XPNPEP2: variants seen among roughly 807,000 people sequenced by gnomAD.
The protein encoded by XPNPEP2 is X-prolyl aminopeptidase 2, also known as xaa-Pro aminopeptidase 2.
XPNPEP2 carries 64 observed loss-of-function variants against 59.8 expected under a neutral mutation model. The observed-to-expected ratio is 1.07, with a 90% CI of 0.87 to 1.32. XPNPEP2 has a LOEUF of 1.32. XPNPEP2 is among the 40% of genes most tolerant of loss of function. The probability of loss-of-function intolerance (pLI) is 0.00; values close to 1 mark genes in which losing one functional copy is unlikely to be tolerated. For synonymous variants in XPNPEP2, 235 were observed against 210.0 expected (o/e 1.12, Z -1.03); for missense variants, 575 against 546.8 (o/e 1.05, Z -0.51).
In XPNPEP2 at chrX:129,761,245, C is replaced by A; in HGVS notation, c.1572C>A (p.His524Gln). Residue 524 changes from histidine to glutamine, a missense_variant, in exon 17 of 21, where the codon CAC becomes CAA. His to Gln is a conservative substitution (Grantham distance 24). Coordinates refer to ENST00000371106, the MANE Select transcript of XPNPEP2 (RefSeq NM_003399.6). The part of the protein sequence containing the change: ...AGLNYGHGTG[H>Q]GIGNFLCVHE... ...TCAATTATGGTCATGGGACAGGCCA[C>A]GGCATTGGCAACTTCCTGTGTGTGC... 8.3e-6 allele frequency: 10 copies of A among 1,211,861 alleles called. No individual in the cohort carries two copies. The highest frequency in any genetic ancestry group is 1.1e-5 in the Non-Finnish European group (10 of 895,389).
rs973997004 is a variant in XPNPEP2 at position 129,753,130 on chromosome X, C to T, written c.1018-29C>T. 6.8e-6 allele frequency: 8 copies of T among 1,184,348 alleles called. No homozygotes were observed. In the Admixed American group the frequency reaches 8.8e-5, roughly 13 times the overall value. On this transcript the variant is annotated intron_variant, in intron 10 of 20. Coordinates refer to ENST00000371106, the MANE Select transcript of XPNPEP2 (RefSeq NM_003399.6). ...GTGCCCCCAGACCTGTGCCCCCAGA[C>T]CTCCTTTTCTCCTCCCTGCCCCCAA...
At position 129,750,538 on chromosome X, in the gene XPNPEP2, C is replaced by T. The variant is rs1926372185; in HGVS notation, c.708C>T (p.Ala236=). ...QMQKHQKVPT[A]VLLSALEETA... Reference sequence around the variant, plus strand: ...AGAAGCATCAAAAGGTCCCGACTGCCGTCCTTCTGTCGGCGCTTGAGGAGA... The same window carrying T: ...AGAAGCATCAAAAGGTCCCGACTGCTGTCCTTCTGTCGGCGCTTGAGGAGA... The change falls in exon 8 of 21, where the codon GCC becomes GCT. Residue 236 remains alanine, a synonymous_variant. Coordinates refer to ENST00000371106, the MANE Select transcript of XPNPEP2 (RefSeq NM_003399.6). The T allele has an allele frequency of 5.0e-6, 6 of 1,190,800 alleles. No individual in the cohort carries two copies. Among genetic ancestry groups the T allele is most frequent in the Admixed American group, 2.3e-5 (1 of 42,867 alleles).
intron 8 of XPNPEP2, 46 bp from the exon 9 acceptor site, chrX:129,751,699 C>T: frequency 9.0e-7 from 1 of 1,107,538 alleles, no homozygotes; most frequent in East Asian, 3.0e-5. Context: ...AAAAGCTTGC[C>T]TCAGGCAGAT....
chrX:129,757,537 G>A (rs77719909), intron 14 of XPNPEP2, among the ~76,000 whole-genome samples: 2,044 of 108,157 alleles, frequency 0.019, 43 homozygotes, highest in African/African-American at 0.063. Flanking sequence ...CAGGCGTGGT[G>A]GCTCACACCT....
At chrX:129,754,909 A>G (rs1332825150) in intron 12 of XPNPEP2, among the ~76,000 whole-genome samples, 1 of 111,578 alleles carries the variant, frequency 9.0e-6, no homozygotes, top group African/African-American at 3.3e-5. Flanking sequence ...CCCCTGGACC[A>G]CTTGAGAATA....
intron 1 of XPNPEP2, among the ~76,000 whole-genome samples, chrX:129,739,777 T>C (rs1396471239): frequency 4.4e-5 from 5 of 112,540 alleles, no homozygotes; most frequent in Non-Finnish European, 9.4e-5. Flanking sequence ...GATGCAAGCC[T>C]GGCAAGGGCA....
At chrX:129,755,828 A>T (rs1926507496) in intron 13 of XPNPEP2, among the ~76,000 whole-genome samples, 1 of 112,521 alleles carries the variant, frequency 8.9e-6, no homozygotes, top group African/African-American at 3.2e-5. Context: ...CAGCAGGGAG[A>T]GGTCAATGCC....
intron 2 of XPNPEP2, among the ~76,000 whole-genome samples, chrX:129,743,316 C>T (rs1926233852): frequency 8.9e-6 from 1 of 112,063 alleles, no homozygotes; most frequent in South Asian, 3.7e-4. Context: ...TCTTTCTGGG[C>T]AATATCTCAA....
chrX:129,755,401 C>A, intron 13 of XPNPEP2, 30 bp downstream of exon 13: 1 of 1,163,600 alleles, frequency 8.6e-7, no homozygotes, highest in South Asian at 1.8e-5. Flanking sequence ...TTTCTAGGGC[C>A]CTGTTGGGGC....
intron 19 of XPNPEP2, among the ~76,000 whole-genome samples, chrX:129,764,021 C>T (rs747422419): frequency 9.1e-6 from 1 of 109,925 alleles, no homozygotes; most frequent in Admixed American, 9.7e-5. Flanking sequence ...AAACCTATAT[C>T]AATTCATTTA....
At chrX:129,754,378 C>A in intron 11 of XPNPEP2, 94 bp from the exon 12 acceptor site, 2 of 782,610 alleles carry the variant, frequency 2.6e-6, no homozygotes, top group Non-Finnish European at 3.6e-6. Flanking sequence ...AGCTCCACAT[C>A]CTGGAGCCGC....
At position 129,739,067 on chromosome X, in the gene XPNPEP2, C is replaced by A; in HGVS notation, c.-147C>A. ...AAAAGACCAGAGAAGCACTCTCCACCCAGCAGCCAGACGCCTCCTTCTTGA... is the reference window on the plus strand; with the variant it reads ...AAAAGACCAGAGAAGCACTCTCCACACAGCAGCCAGACGCCTCCTTCTTGA... On this transcript the variant is annotated 5_prime_UTR_variant, in exon 1 of 21. Coordinates refer to ENST00000371106, the MANE Select transcript of XPNPEP2 (RefSeq NM_003399.6). 1 of 578,748 alleles carries A rather than the reference C, an allele frequency of 1.7e-6. No homozygotes were observed. Among genetic ancestry groups the A allele is most frequent in the Non-Finnish European group, 2.8e-6 (1 of 358,937 alleles). The allele number at this position is 578,748 out of a possible 1,213,427, so 47.7% of individuals were successfully genotyped here.
rs1926437053 is a variant in XPNPEP2, at chrX:129,752,346, G to A, written c.1017+1G>A. 8.3e-7 allele frequency: 1 copy of A among 1,207,953 alleles called. No individual in the cohort carries two copies. On this transcript the variant is annotated splice_donor_variant, in intron 10 of 20. Coordinates refer to ENST00000371106, the MANE Select transcript of XPNPEP2 (RefSeq NM_003399.6). LOFTEE classifies it high-confidence loss of function. ...TGGGATCTATGAAATGATACCCAAG[G>A]TGGGTTTGCCAGGCCCCAGCCCAAG...
In XPNPEP2 at chrX:129,742,277, G is replaced by C; in HGVS notation, c.123+96G>C. On this transcript the variant is annotated intron_variant, in intron 2 of 20. Transcript: ENST00000371106. ...CCCTGCACCGCAGCACCCCCGCCCT[G>C]CTCTATCATCTTCTCTATCCCTCAT... 3 of 422,923 alleles carry C rather than the reference G, an allele frequency of 7.1e-6. No individual in the cohort carries two copies. In the South Asian group the frequency reaches 1.2e-4, roughly 17 times the overall value. 34.9% of individuals were successfully genotyped at this position (422,923 alleles called of 1,213,427 possible). A position where few individuals can be genotyped will look rare whatever the true frequency, so the allele number is the denominator to read the frequency against.
intron 14 of XPNPEP2, among the ~76,000 whole-genome samples, chrX:129,758,317 T>A (rs1926593954): frequency 9.0e-6 from 1 of 111,342 alleles, no homozygotes; most frequent in Non-Finnish European, 1.9e-5. Flanking sequence ...GTTGCTGGAA[T>A]GGGGTGTGCT....
chrX:129,768,398 G>A lies in XPNPEP2; in HGVS notation c.1938G>A (p.Glu646=), dbSNP rs756577898. 8.3e-7 allele frequency: 1 copy of A among 1,209,345 alleles called. No homozygotes were observed. Among genetic ancestry groups the A allele is most frequent in the Non-Finnish European group, 1.1e-6 (1 of 894,459 alleles). ...EEFEWLQQHT[E]PLAARAPDTA... ...TCGAGTGGCTTCAACAGCACACAGA[G>A]CCCCTGGCCGCCAGGGCCCCAGACA... The change falls in exon 21 of 21, where the codon GAG becomes GAA. Residue 646 remains glutamate, a synonymous_variant. Transcript: ENST00000371106.
At position 129,768,607 on chromosome X, in the gene XPNPEP2, A is replaced by T; in HGVS notation, c.*122A>T. On this transcript the variant is annotated 3_prime_UTR_variant, in exon 21 of 21. Transcript: ENST00000371106. ...TGGCCCATTGCCTAGAAACCTTTGC[A>T]TTCATCCTCCTTCTCCAAGACCTAT... is the stretch of plus-strand genomic sequence containing the variant. 1.6e-6 allele frequency: 1 copy of T among 621,936 alleles called. No homozygotes were observed. Among genetic ancestry groups the T allele is most frequent in the South Asian group, 5.4e-5 (1 of 18,516 alleles). The allele number at this position is 621,936 out of a possible 1,213,427, so 51.3% of individuals were successfully genotyped here. A position where few individuals can be genotyped will look rare whatever the true frequency, so the allele number is the denominator to read the frequency against.
chrX:129,751,566 GA>G (rs1246377415), intron 8 of XPNPEP2, among the ~76,000 whole-genome samples, 178 bp from the exon 9 acceptor site: 4 of 65,129 alleles, frequency 6.1e-5, no homozygotes, highest in Non-Finnish European at 1.1e-4. Context: ...AAGAAAGAAA[GA>G]AAGAAAGAAA....
At chrX:129,757,886 AG>A (rs1569477240) in intron 14 of XPNPEP2, among the ~76,000 whole-genome samples, 44 of 84,662 alleles carry the variant, frequency 5.2e-4, no homozygotes, top group African/African-American at 2.2e-3. Context: ...AGAGAGAGAG[AG>A]AGAGAGAGAA....
Sources: allele counts gnomAD v4.1 joint callset (sites outside exome capture counted in the v4.1 genomes callset), GRCh38; gene constraint gnomAD v4.1.1; transcripts MANE v1.5; gene names NCBI Gene and HGNC (gene_info 2026-07-23, HGNC 2026-07-21).